PKNOX2: variants seen among roughly 807,000 people sequenced by gnomAD.
PKNOX2 encodes PBX/knotted 1 homeobox 2, also known as homeobox protein PKNOX2.
In PKNOX2, 14 loss-of-function variants were observed where a neutral mutation model predicts 53.1. The ratio of observed to expected loss-of-function variants is 0.26; its 90% CI spans 0.17 to 0.41. The LOEUF (loss-of-function observed/expected upper bound fraction) is 0.41. Among genes scored for constraint, PKNOX2 ranks in the 10% least tolerant of loss-of-function variants. The pLI, the probability that PKNOX2 is intolerant of heterozygous loss-of-function variation, is 1.00. For missense variants in PKNOX2, 496 were observed against 602.8 expected, an observed-to-expected ratio of 0.82 and a Z score of 1.85; for synonymous variants, 257 against 242.8, an observed-to-expected ratio of 1.06 and a Z score of -0.54.
chr11:125,398,711 C>T (rs1954562860), intron 7 of PKNOX2, among the ~76,000 whole-genome samples: 1 of 152,212 alleles, frequency 6.6e-6, no homozygotes, highest in Non-Finnish European at 1.5e-5. Context: ...ATGGGGTTTC[C>T]CCTCCAGGGC....
Position 125,198,520 on chromosome 11 carries a change from G to T in PKNOX2, c.-201+33744G>T, listed in dbSNP as rs113038185. 4.9e-3 allele frequency among the ~76,000 whole-genome samples: 739 copies of T among 152,328 alleles called. 4 individuals carry two copies. Among genetic ancestry groups the T allele is most frequent in the African/African-American group, 0.017 (697 of 41,570 alleles). ...CCTCCATGGTAGTGAGGTAATTTGA[G>T]TGTCTCACTATATTTTCCTTCAGTA... On this transcript the variant is annotated intron_variant, in intron 1 of 12. Coordinates refer to ENST00000298282, the MANE Select transcript of PKNOX2 (RefSeq NM_001382323.2).
intron 3 of PKNOX2, among the ~76,000 whole-genome samples, chr11:125,350,661 T>C (rs1238104843): frequency 6.6e-6 from 1 of 152,154 alleles, no homozygotes; most frequent in African/African-American, 2.4e-5. Context: ...ATTCCCTGCC[T>C]CTTTCCCTTC....
intron 1 of PKNOX2, among the ~76,000 whole-genome samples, chr11:125,195,720 A>C (rs1030442686): frequency 6.6e-6 from 1 of 152,156 alleles, no homozygotes; most frequent in Non-Finnish European, 1.5e-5. Flanking sequence ...TTGAGATGCC[A>C]GGGAAATGGC....
intron 1 of PKNOX2, among the ~76,000 whole-genome samples, chr11:125,200,195 T>G (rs533557655): frequency 6.6e-6 from 1 of 152,318 alleles, no homozygotes; most frequent in South Asian, 2.1e-4. Flanking sequence ...GCCAAAGCAT[T>G]TTGTTCTCCA....
At chr11:125,298,065 G>A (rs1947777546) in intron 2 of PKNOX2, among the ~76,000 whole-genome samples, 1 of 152,190 alleles carries the variant, frequency 6.6e-6, no homozygotes, top group African/African-American at 2.4e-5. Flanking sequence ...TCAGAGCTTG[G>A]GAGGACCCAG....
intron 2 of PKNOX2, among the ~76,000 whole-genome samples, chr11:125,309,901 A>G (rs939995590): frequency 4.6e-5 from 7 of 152,242 alleles, no homozygotes; most frequent in South Asian, 4.1e-4. Context: ...TTACTTCAGC[A>G]TGAAACAGCT....
intron 3 of PKNOX2, among the ~76,000 whole-genome samples, chr11:125,345,989 T>C (rs1184992346): frequency 6.6e-6 from 1 of 152,066 alleles, no homozygotes; most frequent in Non-Finnish European, 1.5e-5. Context: ...GACGCGGCGT[T>C]GGGGCTGAGG....
At chr11:125,215,621 G>A (rs1313218789) in intron 1 of PKNOX2, among the ~76,000 whole-genome samples, 1 of 151,858 alleles carries the variant, frequency 6.6e-6, no homozygotes, top group East Asian at 1.9e-4. Context: ...GCATAGTGGT[G>A]TGCACCAGTA....
intron 4 of PKNOX2, among the ~76,000 whole-genome samples, chr11:125,354,563 C>T (rs1450142000): frequency 2.6e-5 from 4 of 152,160 alleles, no homozygotes; most frequent in East Asian, 1.9e-4. Context: ...ATAATGTTCC[C>T]GTTGTGCTAA....
chr11:125,378,026 CTTG>C (rs1264503612), intron 5 of PKNOX2, among the ~76,000 whole-genome samples: 2 of 152,322 alleles, frequency 1.3e-5, no homozygotes, highest in Middle Eastern at 6.8e-3. Context: ...TGAAAGGGCA[CTTG>C]TTGTGGACCA....
Position 125,189,354 on chromosome 11 carries a change from A to ATT in PKNOX2, c.-201+24579_-201+24580dup, listed in dbSNP as rs1252404559. On this transcript the variant is annotated intron_variant, in intron 1 of 12. Coordinates refer to ENST00000298282, the MANE Select transcript of PKNOX2 (RefSeq NM_001382323.2). ...AAGAGATACTTCTATTGAAATTCTA[A>ATT]TTATATATATATATGTATATATATA... 8.6e-5 allele frequency among the ~76,000 whole-genome samples: 6 copies of ATT among 70,100 alleles called. No homozygotes were observed. In the East Asian group the frequency reaches 1.4e-3, roughly 17 times the overall value. The allele number at this position is 70,100 out of a possible 152,430, so 46.0% of individuals were successfully genotyped here.
chr11:125,298,415 T>A (rs1353380665), intron 2 of PKNOX2, among the ~76,000 whole-genome samples: 2 of 152,168 alleles, frequency 1.3e-5, no homozygotes, highest in African/African-American at 4.8e-5. Flanking sequence ...GCTCCCTCCC[T>A]GAACACCTGG....
intron 1 of PKNOX2, among the ~76,000 whole-genome samples, chr11:125,172,737 A>G (rs1036135054): frequency 6.6e-6 from 1 of 152,196 alleles, no homozygotes; most frequent in African/African-American, 2.4e-5. Context: ...GGCAATCATT[A>G]AAACCACCGC....
chr11:125,198,670 G>A (rs1938048404), intron 1 of PKNOX2, among the ~76,000 whole-genome samples: 1 of 152,000 alleles, frequency 6.6e-6, no homozygotes, highest in South Asian at 2.1e-4. Flanking sequence ...ACAATCGGTG[G>A]TCCCAACACT....
At chr11:125,335,424 GGGA>G (rs1950383865) in intron 3 of PKNOX2, among the ~76,000 whole-genome samples, 2 of 152,176 alleles carry the variant, frequency 1.3e-5, no homozygotes, top group East Asian at 1.9e-4. Flanking sequence ...CTGTGAATGA[GGGA>G]GGAGGACTAG....
intron 5 of PKNOX2, among the ~76,000 whole-genome samples, chr11:125,380,768 C>T (rs1475858004): frequency 6.6e-6 from 1 of 152,258 alleles, no homozygotes; most frequent in Non-Finnish European, 1.5e-5. Flanking sequence ...ATTTGTATTA[C>T]AGGTGGCTTT....
At chr11:125,185,848 C>A (rs1956416491) in intron 1 of PKNOX2, among the ~76,000 whole-genome samples, 3 of 152,118 alleles carry the variant, frequency 2.0e-5, no homozygotes. Context: ...ATGCAAGTAT[C>A]ATTTGAGTCC....
At chr11:125,254,191 G>A (rs896869334) in intron 2 of PKNOX2, among the ~76,000 whole-genome samples, 2 of 152,134 alleles carry the variant, frequency 1.3e-5, no homozygotes, top group Admixed American at 1.3e-4. Flanking sequence ...TTTCCGAACC[G>A]CTTTTTACAA....
intron 1 of PKNOX2, among the ~76,000 whole-genome samples, chr11:125,168,776 G>C (rs894235146): frequency 2.6e-5 from 4 of 152,242 alleles, no homozygotes; most frequent in African/African-American, 9.6e-5. Flanking sequence ...AACAGCAGCA[G>C]AGCAGGGGAA....
Sources: allele counts gnomAD v4.1 joint callset (sites outside exome capture counted in the v4.1 genomes callset), GRCh38; gene constraint gnomAD v4.1.1; transcripts MANE v1.5; gene names NCBI Gene and HGNC (gene_info 2026-07-23, HGNC 2026-07-21).